The following SP6 variants were observed in gnomAD, a reference collection of about 807,000 sequenced individuals.
SP6 encodes Sp6 transcription factor, also known as transcription factor Sp6.
SP6 carries 10 observed loss-of-function variants against 23.4 expected under a neutral mutation model. That is an observed-to-expected ratio of 0.43 (90% CI 0.26 to 0.72). The LOEUF is 0.72. Ranked by LOEUF, SP6 falls within the 30% of genes least tolerant of loss-of-function variation. SP6 has a pLI of 0.23. For missense variants in SP6, 482 were observed against 523.8 expected (o/e 0.92, Z 0.78); for synonymous variants, 238 against 238.7 (o/e 1.00, Z 0.03).
the SP6 span, chr17:47,864,642 C>T: frequency 7.9e-5 from 12 of 152,276 alleles, no homozygotes; most frequent in African/African-American, 2.9e-4. Context: ...GGACTTCCAG[C>T]TTCCAGGCTG....
upstream of SP6, among the ~76,000 whole-genome samples, chr17:47,860,825 C>T (rs1192419112): frequency 1.3e-5 from 2 of 152,236 alleles, no homozygotes; most frequent in African/African-American, 2.4e-5. Context: ...CCTGACCCTT[C>T]CTCTTTCACC....
At chr17:47,855,155 G>A (rs1333599481), upstream of SP6, among the ~76,000 whole-genome samples, 1 of 152,184 alleles carries the variant, frequency 6.6e-6, no homozygotes, top group African/African-American at 2.4e-5. Context: ...CAGTCTAGAA[G>A]ATGAACCCAC....
chr17:47,856,899 TCTC>T (rs989216141), upstream of SP6, among the ~76,000 whole-genome samples: 3 of 151,680 alleles, frequency 2.0e-5, no homozygotes, highest in African/African-American at 4.9e-5. Flanking sequence ...CCAAAACTCT[TCTC>T]CTGCTCCTCC....
At chr17:47,875,337 C>A in the SP6 span, among the ~76,000 whole-genome samples, 143 of 152,322 alleles carry the variant, frequency 9.4e-4, no homozygotes, top group African/African-American at 3.3e-3. Flanking sequence ...CGCAGTCCCC[C>A]CCAAGGCCTC....
At chr17:47,856,898 T>G (rs1259640779), upstream of SP6, among the ~76,000 whole-genome samples, 3 of 151,918 alleles carry the variant, frequency 2.0e-5, no homozygotes, top group Non-Finnish European at 4.4e-5. Flanking sequence ...CCCAAAACTC[T>G]TCTCCTGCTC....
At chr17:47,866,056 C>A in the SP6 span, among the ~76,000 whole-genome samples, 1 of 152,098 alleles carries the variant, frequency 6.6e-6, no homozygotes, top group Non-Finnish European at 1.5e-5. Flanking sequence ...TCATCATCTC[C>A]CCTGATAATT....
chr17:47,846,135 A>C lies in SP6; in HGVS notation c.*1164T>G, dbSNP rs2033882915. 6.6e-6 allele frequency: 1 copy of C among 152,150 alleles called. No homozygotes were observed. Among genetic ancestry groups the C allele is most frequent in the Non-Finnish European group, 1.5e-5 (1 of 68,026 alleles). The allele number at this position is 152,150 out of a possible 1,614,324, so 9.4% of individuals were successfully genotyped here. On this transcript the variant is annotated 3_prime_UTR_variant, in exon 2 of 2. Coordinates refer to ENST00000536300, the MANE Select transcript of SP6 (RefSeq NM_001258248.2). ...TCCCTTCCCCTGTGAGATGAGGGGG[A>C]GGAAGGAATCCCCTAATGAACATGC...
At chr17:47,860,270 T>G (rs1397536736), upstream of SP6, among the ~76,000 whole-genome samples, 1 of 152,228 alleles carries the variant, frequency 6.6e-6, no homozygotes, top group Non-Finnish European at 1.5e-5. Flanking sequence ...CCAACTCCTA[T>G]GTCCCCATGC....
Position 47,847,250 on chromosome 17 carries a change from C to T in SP6, c.*49G>A, listed in dbSNP as rs755873970. 4.1e-6 allele frequency: 6 copies of T among 1,454,824 alleles called. No individual in the cohort carries two copies. The highest frequency in any genetic ancestry group is 5.4e-6 in the Non-Finnish European group (6 of 1,102,380). The allele number at this position is 1,454,824 out of a possible 1,614,324, so 90.1% of individuals were successfully genotyped here. On this transcript the variant is annotated 3_prime_UTR_variant, in exon 2 of 2. Coordinates refer to ENST00000536300, the MANE Select transcript of SP6 (RefSeq NM_001258248.2). The stretch of plus-strand genomic sequence containing the variant: ...CCCAAGGACGTCAGACCTGGGGGCT[C>T]GCATCCAGTGCCCCCCGGGATACCC...
chr17:47,845,693 C>T lies in SP6; in HGVS notation c.*1606G>A, dbSNP rs1167109605. ...CTCAGTAGAGAAACACACATACATGCACACAGGTACACACAACATGCACAC... is the reference window on the plus strand; with the variant it reads ...CTCAGTAGAGAAACACACATACATGTACACAGGTACACACAACATGCACAC... On this transcript the variant is annotated 3_prime_UTR_variant, in exon 2 of 2. Transcript: ENST00000536300. 6.6e-6 allele frequency: 1 copy of T among 152,620 alleles called. No individual in the cohort carries two copies. The highest frequency in any genetic ancestry group is 1.5e-5 in the Non-Finnish European group (1 of 68,040). The allele number at this position is 152,620 out of a possible 1,614,324, so 9.5% of individuals were successfully genotyped here. A position where few individuals can be genotyped will look rare whatever the true frequency, so the allele number is the denominator to read the frequency against.
chr17:47,863,848 C>G, the SP6 span, among the ~76,000 whole-genome samples: 1 of 151,116 alleles, frequency 6.6e-6, no homozygotes, highest in Non-Finnish European at 1.5e-5. Context: ...ACGCCATTCT[C>G]CTGCCTCAGC....
At chr17:47,849,152 C>G (rs972291345) in intron 1 of SP6, among the ~76,000 whole-genome samples, 2 of 152,118 alleles carry the variant, frequency 1.3e-5, no homozygotes, top group Non-Finnish European at 2.9e-5. Flanking sequence ...CTTCACCTCC[C>G]TGGGGAGCAG....
At position 47,848,398 on chromosome 17, in the gene SP6, C is replaced by G; in HGVS notation, c.32G>C (p.Ser11Thr). MLTAVCGSLGSQHTEAPHASP... is the reference protein window; with the variant it reads MLTAVCGSLGTQHTEAPHASP... ...GGCGTGCGGCGCTTCCGTGTGCTGG[C>G]TGCCCAGAGAGCCGCAGACAGCGGT... Residue 11 changes from serine (S) to threonine (T), a missense_variant, in exon 2 of 2, where the codon AGC becomes ACC. Around this residue, in one of 3 missense-constraint regions of SP6, gnomAD observed 330 missense variants for 332.3 expected, o/e 0.99. Coordinates refer to ENST00000536300, the MANE Select transcript of SP6 (RefSeq NM_001258248.2). This position sits in a 1 kb window ranked among gnomAD's most constrained non-coding sequence, Gnocchi z 5.3. 1 of 1,540,980 alleles carries G rather than the reference C, an allele frequency of 6.5e-7. No individual in the cohort carries two copies. The highest frequency in any genetic ancestry group is 8.7e-7 in the Non-Finnish European group (1 of 1,143,046).
chr17:47,859,708 C>G (rs1173129570), upstream of SP6, among the ~76,000 whole-genome samples: 2 of 152,156 alleles, frequency 1.3e-5, no homozygotes, highest in African/African-American at 4.8e-5. Flanking sequence ...CACACAGCTT[C>G]CTACTGTCCC....
the SP6 span, among the ~76,000 whole-genome samples, chr17:47,863,822 T>C: frequency 6.8e-6 from 1 of 147,160 alleles, no homozygotes; most frequent in Non-Finnish European, 1.5e-5. Flanking sequence ...CACTGCAAGC[T>C]CCGCCTCCTG....
In SP6 at chr17:47,847,405, T is replaced by G. The variant is rs2033898721; in HGVS notation, c.1025A>C (p.Glu342Ala). 14 of 1,613,326 alleles carry G rather than the reference T, an allele frequency of 8.7e-6. No individual in the cohort carries two copies. The East Asian group carries it at 2.9e-4, about 33-fold the overall frequency. The change falls in exon 2 of 2, where the codon GAG becomes GCG. Residue 342 changes from glutamate (E) to alanine (A), a missense_variant. Around this residue, in one of 3 missense-constraint regions of SP6, gnomAD observed 101 missense variants for 99.3 expected, o/e 1.02. Transcript: ENST00000536300. ...CTCTCCCGAGGCCGCCCCAGCCGCC[T>G]CCTCCTTGGCGCCCTCGTGGGTTTT... is the stretch of plus-strand genomic sequence containing the variant. ...HMKTHEGAKE[E>A]AAGAASGEGK...
At chr17:47,857,906 C>T (rs1280523419), upstream of SP6, among the ~76,000 whole-genome samples, 3 of 151,966 alleles carry the variant, frequency 2.0e-5, no homozygotes, top group Non-Finnish European at 4.4e-5. Flanking sequence ...CTCCCCTACC[C>T]GCCCCCTGGC....
At chr17:47,869,768 C>A in the SP6 span, among the ~76,000 whole-genome samples, 1 of 152,136 alleles carries the variant, frequency 6.6e-6, no homozygotes, top group Non-Finnish European at 1.5e-5. Flanking sequence ...TGTTGGTAAC[C>A]TTCTGTTCCT....
rs777862413 is a variant in SP6 at position 47,847,671 on chromosome 17, C to T, written c.759G>A (p.Leu253=). 2 of 1,611,844 alleles carry T rather than the reference C, an allele frequency of 1.2e-6. No individual in the cohort carries two copies. The highest frequency in any genetic ancestry group is 2.7e-5 in the African/African-American group (2 of 74,908). The change falls in exon 2 of 2, where the codon TTG becomes TTA. Residue 253 remains leucine (L), a synonymous_variant. Transcript: ENST00000536300. The part of the protein sequence containing the change: ...CGPDGGKKKH[L]HNCHIPGCGK... ...CGCAGCCCGGGATGTGGCAGTTGTG[C>T]AAATGCTTCTTCTTGCCCCCATCGG...
Sources: gnomAD v4.1 joint callset for allele counts (sites outside exome capture counted in the v4.1 genomes callset) on GRCh38, gnomAD v4.1.1 for gene constraint, gnomAD v4.1.1 regional missense constraint, Gnocchi (gnomAD v3.1) non-coding constraint, MANE v1.5 for transcripts, NCBI Gene and HGNC (gene_info 2026-07-23, HGNC 2026-07-21) for gene names.